Variants in STX8 observed in about 807,000 individuals in gnomAD.
STX8 encodes syntaxin 8.
In STX8, 23 loss-of-function variants were observed where a neutral mutation model predicts 37.5. The ratio of observed to expected loss-of-function variants is 0.61; its 90% CI spans 0.44 to 0.87. The LOEUF (loss-of-function observed/expected upper bound fraction) is 0.87. Ranked by LOEUF, STX8 falls within the 40% of genes least tolerant of loss-of-function variation. STX8 has a pLI of 0.00. For synonymous variants in STX8, 115 were observed against 99.1 expected (o/e 1.16, Z -0.95); for missense variants, 313 against 284.7 (o/e 1.10, Z -0.71).
intron 4 of STX8, among the ~76,000 whole-genome samples, chr17:9,524,091 C>T (rs776095269): frequency 2.6e-5 from 4 of 152,178 alleles, no homozygotes; most frequent in African/African-American, 7.2e-5. Flanking sequence ...TAAGCTCCCT[C>T]GGGTAACTTT....
At chr17:9,428,387 C>T (rs1264023005) in intron 6 of STX8, among the ~76,000 whole-genome samples, 1 of 152,146 alleles carries the variant, frequency 6.6e-6, no homozygotes, top group Non-Finnish European at 1.5e-5. Context: ...ACTACAGGTA[C>T]CCGCCACCAC....
At chr17:9,468,722 C>T (rs1401638728) in intron 6 of STX8, among the ~76,000 whole-genome samples, 17 of 152,188 alleles carry the variant, frequency 1.1e-4, no homozygotes, top group Admixed American at 2.6e-4. Context: ...CCCAAGGACC[C>T]GGCCTTCCCA....
intron 6 of STX8, among the ~76,000 whole-genome samples, chr17:9,387,440 G>A (rs1567807442): frequency 6.6e-6 from 1 of 152,104 alleles, no homozygotes; most frequent in South Asian, 2.1e-4. Context: ...GACTACAGGC[G>A]CCCGCCACCA....
chr17:9,288,959 C>G (rs1275400337), intron 7 of STX8, among the ~76,000 whole-genome samples: 1 of 151,972 alleles, frequency 6.6e-6, no homozygotes, highest in African/African-American at 2.4e-5. Context: ...AACACAATAA[C>G]GGGGGTAAGC....
intron 7 of STX8, among the ~76,000 whole-genome samples, chr17:9,336,560 C>T (rs573036714): frequency 2.0e-5 from 3 of 152,116 alleles, no homozygotes; most frequent in South Asian, 2.1e-4. Context: ...CTCAGCCTCC[C>T]GAGTTGCTGG....
chr17:9,448,294 C>T (rs1178834073), intron 6 of STX8, among the ~76,000 whole-genome samples: 1 of 152,114 alleles, frequency 6.6e-6, no homozygotes, highest in Non-Finnish European at 1.5e-5. Context: ...CAGAGTCATT[C>T]GTGAACATGC....
intron 6 of STX8, among the ~76,000 whole-genome samples, chr17:9,460,439 G>A (rs773558244): frequency 2.0e-5 from 3 of 152,078 alleles, no homozygotes; most frequent in South Asian, 2.1e-4. Context: ...TTGGGAGTCC[G>A]AGACAGGTGG....
At chr17:9,485,214 G>A (rs1322539400) in intron 6 of STX8, among the ~76,000 whole-genome samples, 1 of 152,188 alleles carries the variant, frequency 6.6e-6, no homozygotes, top group Non-Finnish European at 1.5e-5. Flanking sequence ...CACAAGGCAA[G>A]GTATCAGGCT....
chr17:9,256,149 GGT>G (rs1906788724), intron 7 of STX8, among the ~76,000 whole-genome samples: 1 of 152,218 alleles, frequency 6.6e-6, no homozygotes, highest in South Asian at 2.1e-4. Flanking sequence ...AGGAAGCTGG[GGT>G]TCTGGAAGGT....
chr17:9,276,005 G>A (rs974175199), intron 7 of STX8, among the ~76,000 whole-genome samples: 2 of 152,112 alleles, frequency 1.3e-5, no homozygotes, highest in Non-Finnish European at 2.9e-5. Flanking sequence ...TTCCAGTCAT[G>A]CTTCATGGTG....
chr17:9,302,194 A>T (rs1336761560), intron 7 of STX8, among the ~76,000 whole-genome samples: 3 of 152,112 alleles, frequency 2.0e-5, no homozygotes, highest in Non-Finnish European at 4.4e-5. Context: ...TTGAACCGTT[A>T]ATTAGTATAA....
At chr17:9,466,137 A>AT (rs1212267047) in intron 6 of STX8, among the ~76,000 whole-genome samples, 3 of 151,882 alleles carry the variant, frequency 2.0e-5, no homozygotes, top group Admixed American at 6.6e-5. Flanking sequence ...CACCCGGCTA[A>AT]TTTTTTTGTA....
chr17:9,430,316 C>T lies in STX8; in HGVS notation c.542-51663G>A, dbSNP rs889960057. ...GTGTGGTATAACCACCACCACTTAT[C>T]TATTTCCAAAACTTTAAAATTATCT... On this transcript the variant is annotated intron_variant, in intron 6 of 7. Coordinates refer to ENST00000306357, the MANE Select transcript of STX8 (RefSeq NM_004853.3). Among the ~76,000 whole-genome samples, 6 of 147,740 alleles carry T rather than the reference C, an allele frequency of 4.1e-5. No homozygotes were observed. The East Asian group carries it at 7.9e-4, about 19-fold the overall frequency.
chr17:9,571,724 G>C (rs527991608), intron 1 of STX8, among the ~76,000 whole-genome samples: 209 of 151,976 alleles, frequency 1.4e-3, no homozygotes, highest in Middle Eastern at 3.4e-3. Context: ...AGACCAGCCT[G>C]GCCAACATGG....
intron 1 of STX8, among the ~76,000 whole-genome samples, chr17:9,570,851 G>A (rs1047698847): frequency 6.6e-6 from 1 of 151,912 alleles, no homozygotes; most frequent in Admixed American, 6.6e-5. Context: ...AGATGGAGAG[G>A]GTCCATGAGG....
intron 7 of STX8, among the ~76,000 whole-genome samples, chr17:9,279,549 G>A (rs1164443511): frequency 6.6e-6 from 1 of 152,182 alleles, no homozygotes; most frequent in East Asian, 1.9e-4. Flanking sequence ...TAAAGTTAAG[G>A]TTGTACAGAA....
At chr17:9,324,230 A>G (rs968315427) in intron 7 of STX8, among the ~76,000 whole-genome samples, 7 of 152,052 alleles carry the variant, frequency 4.6e-5, no homozygotes, top group African/African-American at 1.4e-4. Context: ...AAGGAACTAG[A>G]GCATGATGGT....
chr17:9,445,840 C>CA (rs545755651), intron 6 of STX8, among the ~76,000 whole-genome samples: 1 of 130,548 alleles, frequency 7.7e-6, no homozygotes, highest in Non-Finnish European at 1.6e-5. Flanking sequence ...CTTTTTTTCT[C>CA]TTTTTTTTTT....
intron 6 of STX8, among the ~76,000 whole-genome samples, chr17:9,448,892 C>T (rs890910767): frequency 1.3e-5 from 2 of 151,926 alleles, no homozygotes; most frequent in Non-Finnish European, 2.9e-5. Context: ...GATGTTTTTG[C>T]TTTTGAAAGG....
Sources: allele counts gnomAD v4.1 joint callset (sites outside exome capture counted in the v4.1 genomes callset), GRCh38; gene constraint gnomAD v4.1.1; transcripts MANE v1.5; gene names NCBI Gene and HGNC (gene_info 2026-07-23, HGNC 2026-07-21).